SLC25A37: variants seen among roughly 807,000 people sequenced by gnomAD.
SLC25A37 encodes the protein mitoferrin-1.
Under a neutral mutation model 31.0 loss-of-function variants are expected in SLC25A37, and 17 were observed. The observed-to-expected ratio is 0.55, with a 90% CI of 0.38 to 0.82. The LOEUF (loss-of-function observed/expected upper bound fraction) is 0.82, where lower values mean the gene tolerates loss of function less well. SLC25A37 is among the 40% of genes least tolerant of loss of function. The pLI, the probability that SLC25A37 is intolerant of heterozygous loss-of-function variation, is 0.00. For synonymous variants in SLC25A37, 222 were observed against 193.0 expected (o/e 1.15, Z -1.24); for missense variants, 404 against 465.8 (o/e 0.87, Z 1.22).
rs558073288 is a variant in SLC25A37 at position 23,568,199 on chromosome 8, G to A, written c.440-123G>A. 51 of 940,638 alleles carry A rather than the reference G, an allele frequency of 5.4e-5. No homozygotes were observed. The Middle Eastern group carries it at 6.3e-4, about 12-fold the overall frequency. 58.3% of individuals were successfully genotyped at this position (940,638 alleles called of 1,614,324 possible). ...TTTAAGAGTCAGTGCTCACCTGGGC[G>A]GAGCTGGTAGTACATTTTGCTTCTT... On this transcript the variant is annotated intron_variant, in intron 2 of 3. Transcript: ENST00000519973.
intron 2 of SLC25A37, 71 bp from the exon 3 acceptor site, chr8:23,568,251 G>C (rs1468416204): frequency 6.4e-7 from 1 of 1,559,178 alleles, no homozygotes; most frequent in Non-Finnish European, 8.8e-7. Flanking sequence ...GGTTCCGTCT[G>C]ATTTTAGGTT....
intron 1 of SLC25A37, among the ~76,000 whole-genome samples, chr8:23,557,997 C>T (rs1223359291): frequency 6.6e-6 from 1 of 152,176 alleles, no homozygotes; most frequent in Non-Finnish European, 1.5e-5. Flanking sequence ...TTGTGCTGCT[C>T]ATGGTATCAC....
chr8:23,542,540 C>T (rs1020673063), intron 1 of SLC25A37, among the ~76,000 whole-genome samples: 7 of 151,908 alleles, frequency 4.6e-5, no homozygotes, highest in African/African-American at 1.2e-4. Flanking sequence ...CCGCCACGCA[C>T]GGCTAATTTT....
chr8:23,561,792 CTT>C (rs985652916), intron 1 of SLC25A37, among the ~76,000 whole-genome samples: 4 of 152,228 alleles, frequency 2.6e-5, no homozygotes, highest in African/African-American at 9.6e-5. Flanking sequence ...AAAAAGAAGA[CTT>C]GAATCAGTGT....
chr8:23,571,702 G>A lies in SLC25A37; in HGVS notation c.864G>A (p.Thr288=). The A allele has an allele frequency of 6.2e-7, 1 of 1,614,018 alleles. No homozygotes were observed. Among genetic ancestry groups the A allele is most frequent in the South Asian group, 1.1e-5 (1 of 91,084 alleles). ...CGGGTATGGCCAATGCCTTCCGGAC[G>A]GTGTACCAGCTCAACGGCCTGGCCG... ...RLSGMANAFR[T]VYQLNGLAGY... The change falls in exon 4 of 4, where the codon ACG becomes ACA. Residue 288 remains threonine (T), a synonymous_variant. Transcript: ENST00000519973.
intron 1 of SLC25A37, among the ~76,000 whole-genome samples, chr8:23,554,253 G>T (rs2942205): frequency 0.47 from 70,988 of 151,964 alleles, 17,010 homozygotes; most frequent in African/African-American, 0.58. Flanking sequence ...AGGGTTGAAG[G>T]TTCAGGGAAG....
chr8:23,543,886 G>C (rs1194851496), intron 1 of SLC25A37, among the ~76,000 whole-genome samples: 1 of 151,888 alleles, frequency 6.6e-6, no homozygotes, highest in Non-Finnish European at 1.5e-5. Flanking sequence ...TTGAGACGGA[G>C]TTTCACTTTT....
chr8:23,546,549 ATATAGTG>A (rs1211272619), intron 1 of SLC25A37, among the ~76,000 whole-genome samples: 369 of 16,170 alleles, frequency 0.023, 13 homozygotes, highest in African/African-American at 0.12. Flanking sequence ...ATATATATAT[ATATAGTG>A]TATATATATA....
In SLC25A37 at chr8:23,573,621, A is replaced by C. The variant is rs1455431446; in HGVS notation, c.*1766A>C. On this transcript the variant is annotated 3_prime_UTR_variant, in exon 4 of 4. Transcript: ENST00000519973. ...GAATTTCCATCTTGGGACCATGCAC[A>C]CAGTGCCTTGGGGAGTAGATTTTGC... 2.8e-6 allele frequency: 1 copy of C among 355,732 alleles called. No individual in the cohort carries two copies. The highest frequency in any genetic ancestry group is 3.4e-5 in the Admixed American group (1 of 29,278). The allele number at this position is 355,732 out of a possible 1,614,324, so 22.0% of individuals were successfully genotyped here. A position where few individuals can be genotyped will look rare whatever the true frequency, so the allele number is the denominator to read the frequency against.
At chr8:23,563,841 C>T (rs900573600) in intron 1 of SLC25A37, among the ~76,000 whole-genome samples, 2 of 151,932 alleles carry the variant, frequency 1.3e-5, no homozygotes, top group African/African-American at 4.8e-5. Flanking sequence ...ATTAGCTGGG[C>T]GTGGTGGAGG....
chr8:23,552,070 G>A (rs563261127), intron 1 of SLC25A37, among the ~76,000 whole-genome samples: 15 of 152,162 alleles, frequency 9.9e-5, no homozygotes, highest in Admixed American at 7.2e-4. Flanking sequence ...CTGTTCTTTG[G>A]GCCATACAGG....
At position 23,573,054 on chromosome 8, in the gene SLC25A37, C is replaced by G. The variant is rs982024619; in HGVS notation, c.*1199C>G. On this transcript the variant is annotated 3_prime_UTR_variant, in exon 4 of 4. Coordinates refer to ENST00000519973, the MANE Select transcript of SLC25A37 (RefSeq NM_016612.4). Reference sequence around the variant, plus strand: ...CATCTCCTGTGTTTCCCTGTGCAGTCTAGGGAAGCATGTCTCCAGTCTTTG... The same window carrying G: ...CATCTCCTGTGTTTCCCTGTGCAGTGTAGGGAAGCATGTCTCCAGTCTTTG... The G allele has an allele frequency of 3.3e-5, 5 of 152,254 alleles. No homozygotes were observed. The highest frequency in any genetic ancestry group is 5.9e-5 in the Non-Finnish European group (4 of 68,092). 9.4% of individuals were successfully genotyped at this position (152,254 alleles called of 1,614,324 possible).
intron 1 of SLC25A37, among the ~76,000 whole-genome samples, chr8:23,555,501 G>A (rs1218327170): frequency 6.6e-6 from 1 of 152,162 alleles, no homozygotes; most frequent in Admixed American, 6.5e-5. Context: ...GAGGAACTTG[G>A]TTATTGCTAT....
intron 1 of SLC25A37, among the ~76,000 whole-genome samples, chr8:23,548,002 C>T (rs1164846933): frequency 6.6e-6 from 1 of 152,154 alleles, no homozygotes; most frequent in South Asian, 2.1e-4. Context: ...TCACCCCGCA[C>T]TGCCAGCAGC....
chr8:23,536,659 AG>A (rs1175278691), intron 1 of SLC25A37, among the ~76,000 whole-genome samples: 1 of 152,118 alleles, frequency 6.6e-6, no homozygotes, highest in East Asian at 1.9e-4. Flanking sequence ...CCTCAGACTC[AG>A]TGTGGCCAGA....
chr8:23,562,178 A>G (rs1348431881), intron 1 of SLC25A37, among the ~76,000 whole-genome samples: 1 of 152,118 alleles, frequency 6.6e-6, no homozygotes, highest in Non-Finnish European at 1.5e-5. Context: ...CCATTCTCCA[A>G]AGTGTGGGGG....
Position 23,529,317 on chromosome 8 carries a change from GCT to G in SLC25A37, c.210+109_210+110del. 1 of 1,182,056 alleles carries G rather than the reference GCT, an allele frequency of 8.5e-7. No individual in the cohort carries two copies. The highest frequency in any genetic ancestry group is 1.2e-6 in the Non-Finnish European group (1 of 860,754). The allele number at this position is 1,182,056 out of a possible 1,614,324, so 73.2% of individuals were successfully genotyped here. A position where few individuals can be genotyped will look rare whatever the true frequency, so the allele number is the denominator to read the frequency against. The stretch of plus-strand genomic sequence containing the variant: ...CCTCGGGGCAGCGTCCCGAAACCGA[GCT>G]CTCCCCAGGACCGCGGCTGGCCGGG... On this transcript the variant is annotated intron_variant, in intron 1 of 3. Transcript: ENST00000519973. The surrounding 1 kb of genome is among the most constrained non-coding windows in gnomAD (Gnocchi z 4.1).
chr8:23,530,542 C>T (rs1215728447), intron 1 of SLC25A37, among the ~76,000 whole-genome samples: 6 of 152,252 alleles, frequency 3.9e-5, no homozygotes, highest in Non-Finnish European at 7.3e-5. Context: ...CCTGAGCCAT[C>T]ACCCATATGT....
chr8:23,568,371 A>T lies in SLC25A37; in HGVS notation c.489A>T (p.Pro163=). 6.2e-7 allele frequency: 1 copy of T among 1,613,924 alleles called. No homozygotes were observed. The highest frequency in any genetic ancestry group is 8.5e-7 in the Non-Finnish European group (1 of 1,179,846). Residue 163 remains proline (P), a synonymous_variant, in exon 3 of 4, where the codon CCA becomes CCT. Coordinates refer to ENST00000519973, the MANE Select transcript of SLC25A37 (RefSeq NM_016612.4). ...TGCTCCACGATGCGGTAATGAATCC[A>T]GCAGAAGGTAATGTTTCATGGTCCC... ...ATLLHDAVMN[P]AEVVKQRLQM... is the part of the protein sequence containing the mutation.
Sources: gnomAD v4.1 joint callset for allele counts (sites outside exome capture counted in the v4.1 genomes callset) on GRCh38, gnomAD v4.1.1 for gene constraint, Gnocchi (gnomAD v3.1) non-coding constraint, MANE v1.5 for transcripts, NCBI Gene and HGNC (gene_info 2026-07-23, HGNC 2026-07-21) for gene names.